The following PTPRK variants were observed in gnomAD, a reference collection of about 807,000 sequenced individuals.
PTPRK encodes the protein receptor-type tyrosine-protein phosphatase kappa.
In PTPRK, 75 loss-of-function variants were observed where a neutral mutation model predicts 178.0. That is an observed-to-expected ratio of 0.42 (90% confidence interval 0.35 to 0.51). PTPRK has a LOEUF of 0.51. Ranked by LOEUF, PTPRK falls within the 20% of genes least tolerant of loss-of-function variation. PTPRK has a pLI of 0.02. For missense variants in PTPRK, 1,441 were observed against 1,797.8 expected (o/e 0.80, Z 3.59); for synonymous variants, 637 against 620.6 (o/e 1.03, Z -0.39).
chr6:127,975,357 C>T (rs1774406708), intron 27 of PTPRK, among the ~76,000 whole-genome samples: 1 of 152,080 alleles, frequency 6.6e-6, no homozygotes, highest in Non-Finnish European at 1.5e-5. Flanking sequence ...CTAAGATATG[C>T]ATGAATATTA....
intron 1 of PTPRK, among the ~76,000 whole-genome samples, chr6:128,486,882 T>C (rs1299671010): frequency 1.3e-5 from 2 of 151,654 alleles, no homozygotes; most frequent in Admixed American, 6.6e-5. Flanking sequence ...GATTTATGAA[T>C]ATGAACACAG....
chr6:128,072,674 C>G (rs1479515601), intron 11 of PTPRK, among the ~76,000 whole-genome samples: 1 of 151,996 alleles, frequency 6.6e-6, no homozygotes, highest in Non-Finnish European at 1.5e-5. Flanking sequence ...GCTGGTATGA[C>G]CATTGTTACC....
chr6:127,985,386 G>T (rs1278800177), intron 22 of PTPRK, among the ~76,000 whole-genome samples: 1 of 152,138 alleles, frequency 6.6e-6, no homozygotes, highest in Non-Finnish European at 1.5e-5. Flanking sequence ...AGATTGGCAA[G>T]AAATGTCTAT....
chr6:128,057,976 TTATG>T (rs1780189453), intron 13 of PTPRK, among the ~76,000 whole-genome samples: 1 of 152,236 alleles, frequency 6.6e-6, no homozygotes, highest in African/African-American at 2.4e-5. Flanking sequence ...TTGGTTATAC[TTATG>T]TATATTATTT....
At chr6:128,144,584 C>T (rs1796218783) in intron 7 of PTPRK, among the ~76,000 whole-genome samples, 1 of 152,110 alleles carries the variant, frequency 6.6e-6, no homozygotes, top group Non-Finnish European at 1.5e-5. Context: ...AAGATCTTGC[C>T]ATCATTTTCC....
chr6:128,184,124 T>A (rs1395860632), intron 7 of PTPRK, among the ~76,000 whole-genome samples: 2 of 152,150 alleles, frequency 1.3e-5, no homozygotes, highest in Admixed American at 1.3e-4. Flanking sequence ...TTTCTCTCAA[T>A]AATGCTTTCA....
At chr6:128,244,380 TAAG>T (rs1160744357) in intron 3 of PTPRK, among the ~76,000 whole-genome samples, 1 of 152,034 alleles carries the variant, frequency 6.6e-6, no homozygotes, top group East Asian at 1.9e-4. Context: ...TAAGATGGCA[TAAG>T]AAGATAAATA....
At chr6:128,290,103 A>G (rs558354286) in intron 3 of PTPRK, among the ~76,000 whole-genome samples, 1 of 152,124 alleles carries the variant, frequency 6.6e-6, no homozygotes, top group South Asian at 2.1e-4. Flanking sequence ...AAATCTCCCT[A>G]TGAATCTTGT....
At chr6:128,218,872 G>A (rs367825581) in intron 6 of PTPRK, 50 bp downstream of exon 6, 1 of 1,423,244 alleles carries the variant, frequency 7.0e-7, no homozygotes, top group Admixed American at 2.0e-5. Context: ...AGTTGCTTTT[G>A]TTCTAATAAA....
chr6:127,986,765 A>G (rs1776026820), intron 21 of PTPRK, among the ~76,000 whole-genome samples: 1 of 152,220 alleles, frequency 6.6e-6, no homozygotes, highest in African/African-American at 2.4e-5. Context: ...TCAATCAGAA[A>G]AGGTAGACAC....
chr6:128,270,617 T>G (rs984808008), intron 3 of PTPRK, among the ~76,000 whole-genome samples: 3 of 152,160 alleles, frequency 2.0e-5, no homozygotes, highest in Non-Finnish European at 4.4e-5. Flanking sequence ...GCATTTTCCA[T>G]ATACAATACA....
chr6:128,100,409 G>A (rs1054952427), intron 7 of PTPRK, among the ~76,000 whole-genome samples: 31 of 151,838 alleles, frequency 2.0e-4, no homozygotes, highest in Admixed American at 2.0e-3. Context: ...AGCAAACTCA[G>A]CCTTATGAAT....
At chr6:127,979,804 G>A (rs9491896) in intron 25 of PTPRK, among the ~76,000 whole-genome samples, 13,484 of 152,278 alleles carry the variant, frequency 0.089, 777 homozygotes, top group East Asian at 0.28. Flanking sequence ...GGTTTCATAG[G>A]AGAAAGGGCA....
chr6:128,033,225 C>T (rs541791317), intron 13 of PTPRK, among the ~76,000 whole-genome samples: 7 of 152,218 alleles, frequency 4.6e-5, no homozygotes, highest in Middle Eastern at 3.4e-3. Context: ...CTGGCACAAA[C>T]GACAGAACTA....
intron 3 of PTPRK, among the ~76,000 whole-genome samples, chr6:128,306,379 A>T (rs1200153358): frequency 6.6e-6 from 1 of 152,218 alleles, no homozygotes; most frequent in Admixed American, 6.5e-5. Flanking sequence ...AAGATAATTT[A>T]AAGAGAAACT....
chr6:128,404,394 G>A (rs530788745), intron 1 of PTPRK, among the ~76,000 whole-genome samples: 7 of 152,292 alleles, frequency 4.6e-5, no homozygotes, highest in Admixed American at 1.3e-4. Context: ...GCATACATGC[G>A]TGCAAGTTAT....
intron 3 of PTPRK, among the ~76,000 whole-genome samples, chr6:128,290,492 C>T (rs1047123612): frequency 2.0e-5 from 3 of 151,972 alleles, no homozygotes; most frequent in East Asian, 1.9e-4. Context: ...CCAGTCCTAC[C>T]GTGTCAGAAA....
At chr6:128,202,230 G>C (rs1476945640) in intron 6 of PTPRK, among the ~76,000 whole-genome samples, 1 of 152,146 alleles carries the variant, frequency 6.6e-6, no homozygotes, top group East Asian at 1.9e-4. Context: ...ACTTCGGGGA[G>C]ACATGAAGCC....
intron 1 of PTPRK, among the ~76,000 whole-genome samples, chr6:128,457,788 T>C (rs1252448243): frequency 6.6e-6 from 1 of 152,166 alleles, no homozygotes; most frequent in Non-Finnish European, 1.5e-5. Flanking sequence ...GGTGCACATA[T>C]GCACAGATAT....
Sources: allele counts gnomAD v4.1 joint callset (sites outside exome capture counted in the v4.1 genomes callset), GRCh38; gene constraint gnomAD v4.1.1; transcripts MANE v1.5; gene names NCBI Gene and HGNC (gene_info 2026-07-23, HGNC 2026-07-21).